Variants in E2F5 observed in about 807,000 individuals in gnomAD.
E2F5 encodes E2F transcription factor 5, also known as transcription factor E2F5.
A neutral mutation model predicts 39.1 loss-of-function variants in E2F5; 23 were observed. The ratio of observed to expected loss-of-function variants is 0.59; its 90% confidence interval spans 0.42 to 0.83. E2F5 has a LOEUF of 0.83. Among genes scored for constraint, E2F5 ranks in the 40% least tolerant of loss-of-function variants. The probability of loss-of-function intolerance (pLI) is 0.00; values close to 1 mark genes in which losing one functional copy is unlikely to be tolerated. For synonymous variants in E2F5, 145 were observed against 157.8 expected (o/e 0.92, Z 0.61); for missense variants, 365 against 406.7 (o/e 0.90, Z 0.88).
At chr8:85,205,488 CAT>C (rs1812783739) in intron 3 of E2F5, among the ~76,000 whole-genome samples, 2 of 152,074 alleles carry the variant, frequency 1.3e-5, no homozygotes. Flanking sequence ...CCCCTCTGTG[CAT>C]ATGGTCAGGC....
intron 2 of E2F5, 103 bp from the exon 3 acceptor site, chr8:85,202,991 G>A: frequency 3.4e-6 from 3 of 881,020 alleles, no homozygotes; most frequent in Non-Finnish European, 4.6e-6. Flanking sequence ...AAAGACTTCT[G>A]TCTTGAATAT....
chr8:85,211,656 T>G (rs1185492868), intron 6 of E2F5, among the ~76,000 whole-genome samples: 1 of 138,596 alleles, frequency 7.2e-6, no homozygotes, highest in Non-Finnish European at 1.6e-5. Flanking sequence ...TTTTTTTTTT[T>G]TTTTTTTTTT....
At chr8:85,213,556 A>G (rs1329569443) in intron 7 of E2F5, 197 bp from the exon 8 acceptor site, 8 of 282,530 alleles carry the variant, frequency 2.8e-5, no homozygotes, top group East Asian at 6.6e-5. Flanking sequence ...AAAAAAAAAA[A>G]AAAAAGAAAA....
At chr8:85,187,083 T>C (rs1812359798) in intron 1 of E2F5, among the ~76,000 whole-genome samples, 1 of 152,012 alleles carries the variant, frequency 6.6e-6, no homozygotes, top group Non-Finnish European at 1.5e-5. Context: ...ACTCATTAGA[T>C]GTTTAAGAGC....
chr8:85,180,511 CATATAT>C lies in E2F5; in HGVS notation c.234+2896_234+2901del, dbSNP rs58188216. 3.8e-3 allele frequency among the ~76,000 whole-genome samples: 307 copies of C among 80,758 alleles called. 1 individual carries two copies. The highest frequency in any genetic ancestry group is 7.0e-3 in the African/African-American group (133 of 19,076). The allele number at this position is 80,758 out of a possible 152,430, so 53.0% of individuals were successfully genotyped here. On this transcript the variant is annotated intron_variant, in intron 1 of 7. Coordinates refer to ENST00000416274, the MANE Select transcript of E2F5 (RefSeq NM_001951.4). ...TTTAAACGCAGTTAAAGAAACTATA[CATATAT>C]ATATATATATATATATATATATATA...
chr8:85,187,519 T>C (rs1471627573), intron 1 of E2F5, among the ~76,000 whole-genome samples: 3 of 152,188 alleles, frequency 2.0e-5, no homozygotes, highest in Admixed American at 1.3e-4. Flanking sequence ...TGTTGCTGAA[T>C]TGACCCTTTT....
intron 1 of E2F5, among the ~76,000 whole-genome samples, chr8:85,189,725 A>G (rs1376518122): frequency 6.6e-6 from 1 of 152,182 alleles, no homozygotes; most frequent in African/African-American, 2.4e-5. Context: ...GATCTGTCAC[A>G]TTACCCAGAA....
intron 1 of E2F5, among the ~76,000 whole-genome samples, chr8:85,195,035 G>A (rs925782218): frequency 4.6e-5 from 7 of 151,978 alleles, no homozygotes; most frequent in African/African-American, 1.2e-4. Context: ...AATAAGTGGG[G>A]TCTACCTCAG....
intron 5 of E2F5, 120 bp from the exon 6 acceptor site, chr8:85,209,021 AC>A (rs1228553975): frequency 9.9e-7 from 1 of 1,005,048 alleles, no homozygotes; most frequent in Non-Finnish European, 1.4e-6. Flanking sequence ...TGACTTAATG[AC>A]TTTATTGTGT....
At chr8:85,207,522 GA>G in intron 5 of E2F5, 33 bp downstream of exon 5, 1 of 1,495,586 alleles carries the variant, frequency 6.7e-7, no homozygotes, top group South Asian at 1.2e-5. Context: ...ATATAAGTGG[GA>G]AAAATGAATC....
chr8:85,209,472 C>G (rs1812870952), intron 6 of E2F5, 63 bp downstream of exon 6: 1 of 1,503,546 alleles, frequency 6.7e-7, no homozygotes, highest in Non-Finnish European at 8.9e-7. Flanking sequence ...GGTTGGCTCT[C>G]TTATCCAAAG....
chr8:85,192,333 C>T (rs748432896), intron 1 of E2F5, among the ~76,000 whole-genome samples: 1 of 152,030 alleles, frequency 6.6e-6, no homozygotes, highest in Non-Finnish European at 1.5e-5. Context: ...GGCAGCCTAT[C>T]GGAATTATAG....
chr8:85,213,681 G>A, intron 7 of E2F5, 72 bp from the exon 8 acceptor site: 4 of 756,796 alleles, frequency 5.3e-6, no homozygotes, highest in South Asian at 1.6e-5. Context: ...ATGTATTTGA[G>A]AGTATTTTGT....
intron 7 of E2F5, chr8:85,213,542 T>TAAAAA (rs536955367): frequency 0.047 from 5,743 of 120,962 alleles, 251 homozygotes; most frequent in South Asian, 0.09. Context: ...GACTCCATCT[T>TAAAAA]AAAAAAAAAA....
chr8:85,194,271 G>C (rs575434314), intron 1 of E2F5, among the ~76,000 whole-genome samples: 1 of 151,958 alleles, frequency 6.6e-6, no homozygotes, highest in Non-Finnish European at 1.5e-5. Flanking sequence ...TGGGCTATTC[G>C]GCAGTTAATG....
intron 1 of E2F5, among the ~76,000 whole-genome samples, chr8:85,196,447 A>G (rs570317584): frequency 5.1e-4 from 77 of 152,138 alleles, no homozygotes; most frequent in Non-Finnish European, 8.7e-4. Flanking sequence ...TTATTTTTCA[A>G]TAATAAGTGG....
chr8:85,191,374 T>G (rs570152761), intron 1 of E2F5, among the ~76,000 whole-genome samples: 1 of 152,304 alleles, frequency 6.6e-6, no homozygotes, highest in East Asian at 1.9e-4. Context: ...GTGACTATAG[T>G]TAATAACAAT....
chr8:85,211,643 G>GTTTTT lies in E2F5; in HGVS notation c.884-490_884-486dup, dbSNP rs950695727. On this transcript the variant is annotated intron_variant, in intron 6 of 7. Transcript: ENST00000416274. ...TAGAATGATGATGAGGTTTGTTGTT[G>GTTTTT]TTTTTTTTTTTTTTTTTTTTTTTTT... is the stretch of plus-strand genomic sequence containing the variant. Among the ~76,000 whole-genome samples the GTTTTT allele has an allele frequency of 2.4e-3, 125 of 52,214 alleles. 4 individuals carry two copies. Among genetic ancestry groups the GTTTTT allele is most frequent in the African/African-American group, 6.5e-3 (72 of 11,008 alleles). The allele number at this position is 52,214 out of a possible 152,430, so 34.3% of individuals were successfully genotyped here.
intron 1 of E2F5, among the ~76,000 whole-genome samples, chr8:85,183,002 AGCACTTTGGGAG>A (rs2136040254): frequency 6.6e-6 from 1 of 152,344 alleles, no homozygotes; most frequent in East Asian, 1.9e-4. Flanking sequence ...CTGTAATCCC[AGCACTTTGGGAG>A]GCCGAGGCGG....
Sources: allele counts gnomAD v4.1 joint callset (sites outside exome capture counted in the v4.1 genomes callset), GRCh38; gene constraint gnomAD v4.1.1; transcripts MANE v1.5; gene names NCBI Gene and HGNC (gene_info 2026-07-23, HGNC 2026-07-21).